The following ARB2A variants were observed in gnomAD, a reference collection of about 807,000 sequenced individuals.
ARB2A encodes the protein ARB2 cotranscriptional regulator A.
At chr5:93,649,131 A>T in the ARB2A span, among the ~76,000 whole-genome samples, 1 of 152,178 alleles carries the variant, frequency 6.6e-6, no homozygotes, top group Non-Finnish European at 1.5e-5. Context: ...ACACATAAAC[A>T]TTCATTTTAT....
the ARB2A span, among the ~76,000 whole-genome samples, chr5:93,885,854 C>T: frequency 6.6e-6 from 1 of 151,666 alleles, no homozygotes; most frequent in Admixed American, 6.6e-5. Context: ...ATACACAGGT[C>T]TTTAGGCCTT....
the ARB2A span, among the ~76,000 whole-genome samples, chr5:93,644,426 TAC>T: frequency 1.3e-5 from 2 of 151,910 alleles, no homozygotes; most frequent in African/African-American, 2.4e-5. Flanking sequence ...ATTAATATTT[TAC>T]ACACACACAC....
the ARB2A span, among the ~76,000 whole-genome samples, chr5:94,100,178 C>A: frequency 6.6e-6 from 1 of 152,154 alleles, no homozygotes; most frequent in South Asian, 2.1e-4. Context: ...AAATGGCCAT[C>A]CCATTCAAAA....
chr5:93,872,644 G>A, the ARB2A span, among the ~76,000 whole-genome samples: 103 of 152,060 alleles, frequency 6.8e-4, no homozygotes, highest in African/African-American at 2.3e-3. Flanking sequence ...TTGGCCAGGC[G>A]CGGTGGCTGA....
At chr5:94,037,519 T>C in the ARB2A span, among the ~76,000 whole-genome samples, 4 of 152,148 alleles carry the variant, frequency 2.6e-5, no homozygotes, top group Non-Finnish European at 4.4e-5. Context: ...CCTCCTAACA[T>C]TTGCATAGCA....
At chr5:93,768,464 T>C in the ARB2A span, among the ~76,000 whole-genome samples, 1 of 109,452 alleles carries the variant, frequency 9.1e-6, no homozygotes, top group African/African-American at 3.8e-5. Context: ...AAATATCCAC[T>C]ATATATATAT....
chr5:93,861,347 G>A, the ARB2A span: 1 of 116,650 alleles, frequency 8.6e-6, no homozygotes, highest in Non-Finnish European at 1.7e-5. Flanking sequence ...TAACTTATTT[G>A]AGATACATTT....
the ARB2A span, among the ~76,000 whole-genome samples, chr5:93,774,309 A>G: frequency 6.6e-6 from 1 of 152,250 alleles, no homozygotes; most frequent in Non-Finnish European, 1.5e-5. Context: ...TGAAAGGAAG[A>G]GTTGCATATC....
At chr5:93,977,346 A>C in the ARB2A span, among the ~76,000 whole-genome samples, 1 of 152,196 alleles carries the variant, frequency 6.6e-6, no homozygotes, top group Non-Finnish European at 1.5e-5. Flanking sequence ...TGGAAGCATC[A>C]CATTACCTGA....
At chr5:93,793,239 A>ATTTTTTTT in the ARB2A span, among the ~76,000 whole-genome samples, 5,802 of 64,336 alleles carry the variant, frequency 0.09, 544 homozygotes, top group East Asian at 0.097. Context: ...CTTCTGGCTA[A>ATTTTTTTT]TTTTTTTTTT....
At chr5:93,631,208 T>C in the ARB2A span, among the ~76,000 whole-genome samples, 1 of 152,180 alleles carries the variant, frequency 6.6e-6, no homozygotes, top group African/African-American at 2.4e-5. Context: ...TGAGGTGCAG[T>C]AGACAGCCTG....
chr5:93,778,141 T>TAAA, the ARB2A span, among the ~76,000 whole-genome samples: 16 of 152,214 alleles, frequency 1.1e-4, no homozygotes, highest in Non-Finnish European at 2.1e-4. Context: ...GCTTGATGGT[T>TAAA]TAAAATGGAT....
At chr5:93,863,942 C>T in the ARB2A span, 6 of 151,654 alleles carry the variant, frequency 4.0e-5, no homozygotes, top group Non-Finnish European at 8.8e-5. Flanking sequence ...TTGGTTTGCC[C>T]ATAAGAATAT....
At chr5:93,980,264 T>C in the ARB2A span, among the ~76,000 whole-genome samples, 2 of 152,216 alleles carry the variant, frequency 1.3e-5, 1 homozygote, top group South Asian at 4.1e-4. Flanking sequence ...AGCATACAAT[T>C]CTGGATCAAT....
chr5:93,684,259 T>C, the ARB2A span, among the ~76,000 whole-genome samples: 42 of 152,212 alleles, frequency 2.8e-4, no homozygotes, highest in African/African-American at 9.9e-4. Flanking sequence ...ATTGCAGTGT[T>C]TGAGTCAGGC....
the ARB2A span, chr5:94,053,086 T>TAGAC: frequency 9.2e-7 from 1 of 1,088,362 alleles, no homozygotes; most frequent in Non-Finnish European, 1.4e-6. Context: ...GATAGATAGA[T>TAGAC]AGATAGATAG....
the ARB2A span, among the ~76,000 whole-genome samples, chr5:94,062,929 C>G: frequency 6.6e-6 from 1 of 152,224 alleles, no homozygotes; most frequent in Non-Finnish European, 1.5e-5. Flanking sequence ...AGGATACACT[C>G]CCCTAAGCAT....
the ARB2A span, among the ~76,000 whole-genome samples, chr5:94,054,230 C>T: frequency 4.6e-5 from 7 of 152,248 alleles, no homozygotes; most frequent in Non-Finnish European, 1.0e-4. Context: ...AACTAAAGCC[C>T]AGGCATTATT....
the ARB2A span, among the ~76,000 whole-genome samples, chr5:93,857,917 C>T: frequency 3.9e-5 from 6 of 152,284 alleles, no homozygotes; most frequent in East Asian, 3.9e-4. Context: ...TGTTCCTATT[C>T]GGCCATCTTG....
Sources: allele counts gnomAD v4.1 joint callset (sites outside exome capture counted in the v4.1 genomes callset), GRCh38; gene constraint gnomAD v4.1.1; transcripts MANE v1.5; gene names NCBI Gene and HGNC (gene_info 2026-07-23, HGNC 2026-07-21).